Variants in TLN2 observed in about 807,000 individuals in gnomAD.
TLN2 encodes talin 2.
A neutral mutation model predicts 294.7 loss-of-function variants in TLN2; 118 were observed. That is an observed-to-expected ratio of 0.40 (90% CI 0.34 to 0.47). The LOEUF (loss-of-function observed/expected upper bound fraction) is 0.47, where lower values mean the gene tolerates loss of function less well. TLN2 is among the 20% of genes least tolerant of loss of function. The pLI, the probability that TLN2 is intolerant of heterozygous loss-of-function variation, is 0.84. For synonymous variants in TLN2, 1,431 were observed against 1,304.5 expected, an observed-to-expected ratio of 1.10 and a Z score of -2.09; for missense variants, 3,083 against 3,282.2, an observed-to-expected ratio of 0.94 and a Z score of 1.48.
At chr15:62,566,691 A>G (rs1203769451) in intron 1 of TLN2, among the ~76,000 whole-genome samples, 1 of 148,276 alleles carries the variant, frequency 6.7e-6, no homozygotes, top group East Asian at 2.0e-4. Flanking sequence ...TGGCACAAGC[A>G]CAACTCACTG....
At chr15:62,729,742 G>T (rs2060616782) in intron 28 of TLN2, among the ~76,000 whole-genome samples, 1 of 152,104 alleles carries the variant, frequency 6.6e-6, no homozygotes, top group African/African-American at 2.4e-5. Context: ...TTTATAGGTA[G>T]TGTAATTACT....
At chr15:62,512,992 C>G (rs758027115) in intron 1 of TLN2, among the ~76,000 whole-genome samples, 1 of 152,184 alleles carries the variant, frequency 6.6e-6, no homozygotes, top group African/African-American at 2.4e-5. Context: ...CCTCCTGATT[C>G]AAGGATTCTA....
intron 1 of TLN2, among the ~76,000 whole-genome samples, chr15:62,572,111 T>C (rs1216898025): frequency 6.6e-6 from 1 of 152,170 alleles, no homozygotes; most frequent in Non-Finnish European, 1.5e-5. Flanking sequence ...TCTTTCCAGG[T>C]TCTCTAGCTT....
At chr15:62,701,896 A>T (rs984267029) in intron 17 of TLN2, 96 bp from the exon 18 acceptor site, 21 of 1,361,742 alleles carry the variant, frequency 1.5e-5, no homozygotes, top group Non-Finnish European at 1.9e-5. Flanking sequence ...CTCCTGCAGG[A>T]TGGTAGGTGA....
intron 54 of TLN2, chr15:62,824,153 T>A (rs925231973): frequency 1.2e-5 from 4 of 346,472 alleles, no homozygotes; most frequent in Admixed American, 8.4e-5. Context: ...TATCTTCCAT[T>A]TCTTCTTATA....
chr15:62,458,282 C>T (rs878883514), intron 1 of TLN2, among the ~76,000 whole-genome samples: 1 of 152,122 alleles, frequency 6.6e-6, no homozygotes, highest in Non-Finnish European at 1.5e-5. Flanking sequence ...CGGGGTCACT[C>T]CTCCACCCCT....
In TLN2 at chr15:62,766,317, T is replaced by C; in HGVS notation, c.5095-4T>C. ...GATGAACTTGACACTTCTCTCCTTA[T>C]CAGGCCCTGCAGGAGCAGCTGACTT... On this transcript the variant is annotated splice_polypyrimidine_tract_variant and splice_region_variant and intron_variant, in intron 40 of 58. Transcript: ENST00000636159. 6.8e-6 allele frequency: 11 copies of C among 1,610,174 alleles called. No individual in the cohort carries two copies. The highest frequency in any genetic ancestry group is 9.3e-6 in the Non-Finnish European group (11 of 1,176,826).
chr15:62,562,918 A>T (rs1226330476), intron 1 of TLN2, among the ~76,000 whole-genome samples: 1 of 80,490 alleles, frequency 1.2e-5, no homozygotes, highest in African/African-American at 4.8e-5. Context: ...ACACACACAC[A>T]CACACACACA....
intron 1 of TLN2, among the ~76,000 whole-genome samples, chr15:62,459,299 CTTT>C (rs35344244): frequency 0.023 from 3,010 of 130,510 alleles, 51 homozygotes; most frequent in Non-Finnish European, 0.033. Context: ...CACGCTCGGC[CTTT>C]TTTTTTTTTT....
At chr15:62,404,974 C>T (rs186256150) in intron 1 of TLN2, among the ~76,000 whole-genome samples, 106 of 152,276 alleles carry the variant, frequency 7.0e-4, no homozygotes, top group Admixed American at 1.2e-3. Flanking sequence ...TGTGGGAAAA[C>T]TCAGTGACTC....
chr15:62,811,267 C>T (rs1446321572), intron 52 of TLN2, among the ~76,000 whole-genome samples: 1 of 152,174 alleles, frequency 6.6e-6, no homozygotes, highest in African/African-American at 2.4e-5. Context: ...ACATTGAGCT[C>T]CCAAAGTCTG....
chr15:62,735,593 A>G (rs1044466270), intron 28 of TLN2, among the ~76,000 whole-genome samples: 3 of 152,242 alleles, frequency 2.0e-5, no homozygotes, highest in Non-Finnish European at 4.4e-5. Flanking sequence ...GGTGTTGGCT[A>G]GGATGTAGAG....
chr15:62,414,513 C>G (rs1293389516), intron 1 of TLN2, among the ~76,000 whole-genome samples: 1 of 140,272 alleles, frequency 7.1e-6, no homozygotes, highest in Non-Finnish European at 1.5e-5. Context: ...ACCTCACCCC[C>G]AAACTACTGA....
At chr15:62,749,108 C>T (rs1216023783) in intron 33 of TLN2, among the ~76,000 whole-genome samples, 2 of 152,204 alleles carry the variant, frequency 1.3e-5, no homozygotes, top group African/African-American at 4.8e-5. Flanking sequence ...TATTGAGATG[C>T]CAGACGAGTA....
chr15:62,460,351 C>T lies in TLN2; in HGVS notation c.-238+69666C>T, dbSNP rs145551787. Among the ~76,000 whole-genome samples, 871 of 151,988 alleles carry T rather than the reference C, an allele frequency of 5.7e-3. 21 individuals are homozygous for T. The highest frequency in any genetic ancestry group is 0.044 in the Admixed American group (674 of 15,264). ...CATGATCTCAGCTCACCGCAACCTC[C>T]GCCTCCAGGTTCAAGCAATTCTCCT... is the stretch of plus-strand genomic sequence containing the variant. On this transcript the variant is annotated intron_variant, in intron 1 of 58. Transcript: ENST00000636159.
intron 1 of TLN2, among the ~76,000 whole-genome samples, chr15:62,491,610 G>A (rs1433049635): frequency 1.3e-5 from 2 of 152,184 alleles, no homozygotes; most frequent in African/African-American, 4.8e-5. Flanking sequence ...GAAACTCCTT[G>A]TGAGGGAGGT....
chr15:62,581,090 G>A (rs184467612), intron 1 of TLN2, among the ~76,000 whole-genome samples: 89 of 152,034 alleles, frequency 5.9e-4, no homozygotes, highest in East Asian at 2.9e-3. Flanking sequence ...CACCATGTTG[G>A]CCCGGATGGT....
Position 62,833,630 on chromosome 15 carries a change from G to C in TLN2, c.7128+1G>C, listed in dbSNP as rs147410478. 6.2e-7 allele frequency: 1 copy of C among 1,613,842 alleles called. No homozygotes were observed. The highest frequency in any genetic ancestry group is 8.5e-7 in the Non-Finnish European group (1 of 1,179,944). On this transcript the variant is annotated splice_donor_variant, in intron 55 of 58. Coordinates refer to ENST00000636159, the MANE Select transcript of TLN2 (RefSeq NM_015059.3). LOFTEE classifies it high-confidence loss of function. ...GAGGGAGCTGGTGGCCCAAGGAAAG[G>C]TGGGTAAAGCCGCTGACCACATGCG...
At chr15:62,816,340 A>G (rs2067115866) in intron 52 of TLN2, among the ~76,000 whole-genome samples, 3 of 152,238 alleles carry the variant, frequency 2.0e-5, no homozygotes, top group Non-Finnish European at 4.4e-5. Context: ...CAACTATCAC[A>G]GTTCAATATT....
Sources: allele counts gnomAD v4.1 joint callset (sites outside exome capture counted in the v4.1 genomes callset), GRCh38; gene constraint gnomAD v4.1.1; transcripts MANE v1.5; gene names NCBI Gene and HGNC (gene_info 2026-07-23, HGNC 2026-07-21).